MSRA: variants seen among roughly 807,000 people sequenced by gnomAD.
MSRA encodes methionine sulfoxide reductase A, also known as mitochondrial peptide methionine sulfoxide reductase.
A neutral mutation model predicts 31.3 loss-of-function variants in MSRA; 54 were observed. The ratio of observed to expected loss-of-function variants is 1.73; its 90% CI spans 1.39 to 2.17. The LOEUF (loss-of-function observed/expected upper bound fraction) is 2.17. Ranked by LOEUF, MSRA falls within the 30% of genes most tolerant of loss-of-function variation. MSRA has a pLI of 0.00. For synonymous variants in MSRA, 169 were observed against 116.5 expected, an observed-to-expected ratio of 1.45 and a Z score of -2.90; for missense variants, 507 against 300.9, an observed-to-expected ratio of 1.69 and a Z score of -5.07.
At chr8:10,256,773 C>A (rs1757742187) in intron 3 of MSRA, among the ~76,000 whole-genome samples, 3 of 152,014 alleles carry the variant, frequency 2.0e-5, no homozygotes, top group Admixed American at 2.0e-4. Flanking sequence ...TCTCTGTCCC[C>A]CCGAGGCGAA....
chr8:10,087,370 C>T (rs1458815894), intron 1 of MSRA, among the ~76,000 whole-genome samples: 5 of 152,182 alleles, frequency 3.3e-5, no homozygotes, highest in Non-Finnish European at 5.9e-5. Flanking sequence ...TCTGTCTGTC[C>T]TGAGCTCCAT....
intron 1 of MSRA, among the ~76,000 whole-genome samples, chr8:10,071,574 C>G (rs531771730): frequency 4.5e-4 from 68 of 150,562 alleles, no homozygotes; most frequent in Non-Finnish European, 7.7e-4. Flanking sequence ...TCTAAGAACT[C>G]TTTGCCTTGC....
At chr8:10,316,602 C>A (rs1281640048) in intron 4 of MSRA, among the ~76,000 whole-genome samples, 1 of 151,628 alleles carries the variant, frequency 6.6e-6, no homozygotes, top group Non-Finnish European at 1.5e-5. Flanking sequence ...CCCCCTCCCT[C>A]TCTCCCTTCC....
intron 1 of MSRA, among the ~76,000 whole-genome samples, chr8:10,179,600 T>C (rs1175012165): frequency 1.3e-5 from 2 of 152,224 alleles, no homozygotes; most frequent in African/African-American, 4.8e-5. Context: ...TTTGTTGACA[T>C]TCCTGGTTTC....
intron 5 of MSRA, among the ~76,000 whole-genome samples, chr8:10,409,230 G>T (rs1381719538): frequency 6.6e-6 from 1 of 152,172 alleles, no homozygotes; most frequent in Non-Finnish European, 1.5e-5. Context: ...GCCAACATCT[G>T]TTATTTTTTT....
chr8:10,155,830 A>G (rs946134049), intron 1 of MSRA, among the ~76,000 whole-genome samples: 1 of 152,208 alleles, frequency 6.6e-6, no homozygotes, highest in Admixed American at 6.5e-5. Flanking sequence ...TTATAGGAAC[A>G]TGCCAGATAA....
chr8:10,085,711 AT>A (rs1798524550), intron 1 of MSRA, among the ~76,000 whole-genome samples: 1 of 152,236 alleles, frequency 6.6e-6, no homozygotes, highest in African/African-American at 2.4e-5. Flanking sequence ...GAACACTGTC[AT>A]CACCCCCAAA....
At chr8:10,315,261 C>T (rs1218368651) in intron 4 of MSRA, among the ~76,000 whole-genome samples, 1 of 152,180 alleles carries the variant, frequency 6.6e-6, no homozygotes, top group Non-Finnish European at 1.5e-5. Flanking sequence ...CAAACCATAT[C>T]ACAGGCCAAA....
intron 1 of MSRA, among the ~76,000 whole-genome samples, chr8:10,136,344 G>A (rs994542035): frequency 5.3e-5 from 8 of 152,168 alleles, no homozygotes; most frequent in African/African-American, 1.9e-4. Context: ...GCCTAACATT[G>A]CCTTTCCTCT....
At chr8:10,245,362 C>A in intron 3 of MSRA, 139 bp downstream of exon 3, 2 of 757,866 alleles carry the variant, frequency 2.6e-6, no homozygotes, top group South Asian at 2.3e-5. Flanking sequence ...TATATATATA[C>A]TTGTGAGCTT....
chr8:10,390,173 A>T (rs1172509383), intron 5 of MSRA, among the ~76,000 whole-genome samples: 1 of 152,138 alleles, frequency 6.6e-6, no homozygotes, highest in Admixed American at 6.5e-5. Context: ...TACCTTGGGG[A>T]GTGCTCGGCA....
chr8:10,112,661 G>C (rs2129014042), intron 1 of MSRA, among the ~76,000 whole-genome samples: 1 of 152,306 alleles, frequency 6.6e-6, no homozygotes, highest in South Asian at 2.1e-4. Context: ...TATTAGGGAA[G>C]ACATTCAATT....
intron 5 of MSRA, among the ~76,000 whole-genome samples, chr8:10,358,788 T>TTCAC: frequency 6.7e-6 from 1 of 148,468 alleles, no homozygotes; most frequent in East Asian, 2.0e-4. Flanking sequence ...GAGACGGGGT[T>TTCAC]TCACCGTTTT....
Position 10,056,370 on chromosome 8 carries a change from C to T in MSRA, c.142+1712C>T, listed in dbSNP as rs116405266. Among the ~76,000 whole-genome samples the T allele has an allele frequency of 4.2e-3, 634 of 152,192 alleles. 3 individuals are homozygous for T. The highest frequency in any genetic ancestry group is 0.014 in the African/African-American group (563 of 41,534). On this transcript the variant is annotated intron_variant, in intron 1 of 5. Transcript: ENST00000317173. The stretch of plus-strand genomic sequence containing the variant: ...ACATTTTTGGTAAAAGATGAGCAAA[C>T]ATTTCAGAAATGAGCCAACAATTTT...
chr8:10,339,925 A>C (rs1353846707), intron 5 of MSRA, among the ~76,000 whole-genome samples: 1 of 152,100 alleles, frequency 6.6e-6, no homozygotes, highest in African/African-American at 2.4e-5. Flanking sequence ...GGCTGTTCTC[A>C]GGCCCTACCC....
At chr8:10,310,075 T>C (rs1801353247) in intron 4 of MSRA, among the ~76,000 whole-genome samples, 1 of 152,266 alleles carries the variant, frequency 6.6e-6, no homozygotes, top group Admixed American at 6.5e-5. Context: ...TTCCTTGTGC[T>C]GACCCCTTGA....
chr8:10,077,766 T>G (rs939408409), intron 1 of MSRA, among the ~76,000 whole-genome samples: 3 of 152,170 alleles, frequency 2.0e-5, no homozygotes, highest in African/African-American at 7.2e-5. Flanking sequence ...CTGGAAGCCC[T>G]CAGTGCCACA....
At chr8:10,276,888 T>A (rs1288494918) in intron 3 of MSRA, among the ~76,000 whole-genome samples, 1 of 152,226 alleles carries the variant, frequency 6.6e-6, no homozygotes, top group East Asian at 1.9e-4. Flanking sequence ...GAAAGGATCT[T>A]TTTTTCATCT....
chr8:10,352,188 G>C (rs1804193375), intron 5 of MSRA, among the ~76,000 whole-genome samples: 2 of 152,198 alleles, frequency 1.3e-5, no homozygotes, highest in Admixed American at 1.3e-4. Context: ...GTCATAGCTG[G>C]ACGAGAAGGA....
Sources: allele counts gnomAD v4.1 joint callset (sites outside exome capture counted in the v4.1 genomes callset), GRCh38; gene constraint gnomAD v4.1.1; transcripts MANE v1.5; gene names NCBI Gene and HGNC (gene_info 2026-07-23, HGNC 2026-07-21).